Variants in JARID2 observed in about 807,000 individuals in gnomAD.
JARID2 encodes jumonji and AT-rich interaction domain containing 2.
In JARID2, 21 loss-of-function variants were observed where a neutral mutation model predicts 125.6. The ratio of observed to expected loss-of-function variants is 0.17; its 90% CI spans 0.12 to 0.24. The LOEUF is 0.24. Among genes scored for constraint, JARID2 ranks in the 10% least tolerant of loss-of-function variants. JARID2 has a pLI of 1.00. For missense variants in JARID2, 1,303 were observed against 1,639.6 expected, an observed-to-expected ratio of 0.79 and a Z score of 3.55; for synonymous variants, 736 against 661.6, an observed-to-expected ratio of 1.11 and a Z score of -1.73.
At chr6:15,333,289 C>T (rs1025022560) in intron 1 of JARID2, among the ~76,000 whole-genome samples, 1 of 152,160 alleles carries the variant, frequency 6.6e-6, no homozygotes, top group Non-Finnish European at 1.5e-5. Flanking sequence ...CACAGTTAGG[C>T]AAGCCATTAC....
rs1292070887 is a variant in JARID2 at position 15,351,643 on chromosome 6, TA to T, written c.46-22473del. Among the ~76,000 whole-genome samples the T allele has an allele frequency of 3.9e-5, 6 of 152,220 alleles. No homozygotes were observed. The South Asian group carries it at 1.2e-3, about 32-fold the overall frequency. The stretch of plus-strand genomic sequence containing the variant: ...GCACCTGTGTTCTGGGAGCCAATCC[TA>T]TTCACCACTGGATTTAATTTGCTCT... On this transcript the variant is annotated intron_variant, in intron 1 of 17. Coordinates refer to ENST00000341776, the MANE Select transcript of JARID2 (RefSeq NM_004973.4).
intron 3 of JARID2, among the ~76,000 whole-genome samples, chr6:15,430,936 A>G (rs1168664470): frequency 6.6e-6 from 1 of 152,178 alleles, no homozygotes; most frequent in African/African-American, 2.4e-5. Context: ...CATAGTTACA[A>G]ATTTGTTCAG....
rs549266617 is a variant in JARID2 at position 15,511,182 on chromosome 6, G to A, written c.2847-114G>A. The A allele has an allele frequency of 8.2e-5, 59 of 715,760 alleles. No individual in the cohort carries two copies. In the East Asian group the frequency reaches 9.2e-4, roughly 11 times the overall value. The allele number at this position is 715,760 out of a possible 1,614,324, so 44.3% of individuals were successfully genotyped here. On this transcript the variant is annotated intron_variant, in intron 12 of 17. Transcript: ENST00000341776. ...AGGCCAGTGCGCCATCCCTGCCGGC[G>A]TGGAGCAGAGCCTCTCGTGTGCTCG... is the stretch of plus-strand genomic sequence containing the variant.
At chr6:15,437,099 G>A (rs1221567059) in intron 3 of JARID2, among the ~76,000 whole-genome samples, 2 of 152,184 alleles carry the variant, frequency 1.3e-5, no homozygotes, top group Non-Finnish European at 2.9e-5. Flanking sequence ...GCACAGGGGT[G>A]TGTGGTCATC....
At chr6:15,340,616 T>C (rs1414269480) in intron 1 of JARID2, among the ~76,000 whole-genome samples, 19 of 152,168 alleles carry the variant, frequency 1.2e-4, no homozygotes, top group African/African-American at 4.3e-4. Flanking sequence ...GGGGCAGACT[T>C]TTATTCATTC....
intron 1 of JARID2, among the ~76,000 whole-genome samples, chr6:15,314,071 A>C (rs766192934): frequency 6.6e-6 from 1 of 152,176 alleles, no homozygotes; most frequent in Non-Finnish European, 1.5e-5. Context: ...CTGGGTAGCC[A>C]TGAACAGTGA....
chr6:15,486,122 C>T (rs947908395), intron 5 of JARID2, among the ~76,000 whole-genome samples: 9 of 152,306 alleles, frequency 5.9e-5, no homozygotes, highest in Middle Eastern at 3.4e-3. Flanking sequence ...ATCACTATAG[C>T]TTCCCCTTGC....
At chr6:15,466,485 G>C (rs1158444617) in intron 4 of JARID2, among the ~76,000 whole-genome samples, 2 of 152,230 alleles carry the variant, frequency 1.3e-5, no homozygotes, top group Non-Finnish European at 2.9e-5. Context: ...TTTAATGGCA[G>C]AGTCTAAAAC....
chr6:15,249,001 C>G (rs1011096992), intron 1 of JARID2: 46 of 967,322 alleles, frequency 4.8e-5, no homozygotes, highest in Non-Finnish European at 5.7e-5. Flanking sequence ...CAAAGGAGTG[C>G]CACTGGACCC....
At position 15,273,991 on chromosome 6, in the gene JARID2, C is replaced by G. The variant is rs574971606; in HGVS notation, c.45+27407C>G. Among the ~76,000 whole-genome samples, 72 of 151,300 alleles carry G rather than the reference C, an allele frequency of 4.8e-4. No individual in the cohort carries two copies. In the South Asian group the frequency reaches 0.015, roughly 31 times the overall value. On this transcript the variant is annotated intron_variant, in intron 1 of 17. Coordinates refer to ENST00000341776, the MANE Select transcript of JARID2 (RefSeq NM_004973.4). ...TCACCCAGGCTGGAGTGCAGTGGCA[C>G]GATCTCAGCTCACTGTGGCCTCTGC...
intron 3 of JARID2, among the ~76,000 whole-genome samples, chr6:15,445,407 A>T (rs1767631276): frequency 1.3e-5 from 2 of 152,236 alleles, no homozygotes; most frequent in African/African-American, 4.8e-5. Flanking sequence ...TTTTATTTTA[A>T]CAACAAACAA....
chr6:15,362,980 G>C (rs1418283383), intron 1 of JARID2, among the ~76,000 whole-genome samples: 2 of 151,702 alleles, frequency 1.3e-5, no homozygotes, highest in Admixed American at 1.3e-4. Context: ...GGAGAGGGTT[G>C]TGGTGGGGAG....
intron 3 of JARID2, among the ~76,000 whole-genome samples, chr6:15,431,349 C>G (rs984080315): frequency 6.6e-6 from 1 of 152,174 alleles, no homozygotes; most frequent in East Asian, 1.9e-4. Context: ...TGTTTTCCAT[C>G]AGCTGCGATC....
intron 6 of JARID2, among the ~76,000 whole-genome samples, chr6:15,495,881 G>A (rs1374527282): frequency 6.6e-6 from 1 of 152,190 alleles, no homozygotes; most frequent in African/African-American, 2.4e-5. Flanking sequence ...AAGCGCCTGG[G>A]GCAGTTTGCA....
chr6:15,392,456 G>C (rs1057122207), intron 2 of JARID2, among the ~76,000 whole-genome samples: 3 of 152,074 alleles, frequency 2.0e-5, no homozygotes, highest in Non-Finnish European at 4.4e-5. Context: ...CTGTTTATGG[G>C]GGAGGTGGTG....
intron 3 of JARID2, among the ~76,000 whole-genome samples, chr6:15,418,578 T>C (rs930782422): frequency 1.7e-4 from 26 of 152,226 alleles, no homozygotes; most frequent in Non-Finnish European, 3.7e-4. Context: ...ATAAAAACTC[T>C]TAAGAGTTTC....
intron 2 of JARID2, among the ~76,000 whole-genome samples, chr6:15,387,297 C>T (rs948704592): frequency 2.6e-5 from 4 of 152,154 alleles, no homozygotes; most frequent in African/African-American, 9.7e-5. Context: ...TGGTGAAAGT[C>T]TGTATATTAG....
intron 2 of JARID2, among the ~76,000 whole-genome samples, chr6:15,394,003 C>T (rs569071849): frequency 3.3e-5 from 5 of 152,014 alleles, no homozygotes; most frequent in African/African-American, 9.6e-5. Flanking sequence ...ATTCAGTGCT[C>T]GTGAAATTAT....
chr6:15,424,627 T>G (rs113266822), intron 3 of JARID2, among the ~76,000 whole-genome samples: 8 of 151,900 alleles, frequency 5.3e-5, no homozygotes, highest in Non-Finnish European at 8.8e-5. Flanking sequence ...GGGGGCTGAG[T>G]TGGGCGGATC....
Sources: gnomAD v4.1 joint callset for allele counts (sites outside exome capture counted in the v4.1 genomes callset) on GRCh38, gnomAD v4.1.1 for gene constraint, MANE v1.5 for transcripts, NCBI Gene and HGNC (gene_info 2026-07-23, HGNC 2026-07-21) for gene names.